The following COL4A4 variants were observed in gnomAD, a reference collection of about 807,000 sequenced individuals.
The protein encoded by COL4A4 is collagen alpha-4(IV) chain.
In COL4A4, 105 loss-of-function variants were observed where a neutral mutation model predicts 192.9. That is an observed-to-expected ratio of 0.54 (90% CI 0.46 to 0.64). The LOEUF (loss-of-function observed/expected upper bound fraction) is 0.64, where lower values mean the gene tolerates loss of function less well. Among genes scored for constraint, COL4A4 ranks in the 30% least tolerant of loss-of-function variants. COL4A4 has a pLI of 0.00. For missense variants in COL4A4, 1,967 were observed against 2,169.3 expected, an observed-to-expected ratio of 0.91 and a Z score of 1.85; for synonymous variants, 762 against 769.9, an observed-to-expected ratio of 0.99 and a Z score of 0.17.
the COL4A4 span, among the ~76,000 whole-genome samples, chr2:226,994,303 C>T: frequency 3.3e-5 from 5 of 152,200 alleles, no homozygotes; most frequent in African/African-American, 9.7e-5. Context: ...CATTTTAGAG[C>T]TTATGATCCT....
chr2:227,161,741 A>G (rs1335916363), intron 1 of COL4A4, among the ~76,000 whole-genome samples: 1 of 152,162 alleles, frequency 6.6e-6, no homozygotes, highest in Non-Finnish European at 1.5e-5. Context: ...CTACATTTCC[A>G]GCAAGCTCCC....
At chr2:227,091,547 C>T (rs1327092534) in intron 20 of COL4A4, among the ~76,000 whole-genome samples, 1 of 151,984 alleles carries the variant, frequency 6.6e-6, no homozygotes, top group Non-Finnish European at 1.5e-5. Context: ...CTCTTCTCAG[C>T]CTTTTGGCTA....
chr2:227,032,318 C>T (rs1422557084), intron 38 of COL4A4, 42 bp from the exon 39 acceptor site: 6 of 1,579,102 alleles, frequency 3.8e-6, no homozygotes, highest in Non-Finnish European at 5.2e-6. Flanking sequence ...CTTCTCTTTT[C>T]TTGTCCCTGT....
the COL4A4 span, among the ~76,000 whole-genome samples, chr2:226,994,318 G>A: frequency 2.0e-5 from 3 of 152,214 alleles, no homozygotes; most frequent in Non-Finnish European, 4.4e-5. Flanking sequence ...GATCCTGGTA[G>A]GAGAGAACAG....
intron 20 of COL4A4, among the ~76,000 whole-genome samples, chr2:227,092,966 A>G (rs1261148038): frequency 2.0e-5 from 3 of 152,210 alleles, no homozygotes; most frequent in Non-Finnish European, 4.4e-5. Context: ...ATATCCAGCC[A>G]CATGTGTTGA....
chr2:227,035,619 C>T (rs1969493524), intron 37 of COL4A4, among the ~76,000 whole-genome samples: 1 of 152,104 alleles, frequency 6.6e-6, no homozygotes, highest in Admixed American at 6.5e-5. Context: ...AGTTTATTCT[C>T]CAATCCTCTT....
the COL4A4 span, chr2:226,988,252 A>G: frequency 7.5e-7 from 1 of 1,335,342 alleles, no homozygotes. Context: ...AGTAGGACTC[A>G]TATCAGGGCC....
Position 227,030,470 on chromosome 2 carries a change from C to G in COL4A4, c.3946G>C (p.Gly1316Arg). The change falls in exon 41 of 48, where the codon GGA (glycine) becomes CGA (arginine). Residue 1316 changes from glycine (G) to arginine (R), a missense_variant. Coordinates refer to ENST00000396625, the MANE Select transcript of COL4A4 (RefSeq NM_000092.5). ...TTCTGGCCATCTTTTCCATCACATC[C>G]TGGAAAGCCTTTGTATCCTGGAGGG... ...PGPPGYKGFP[G>R]CDGKDGQKGP... is the part of the protein sequence containing the mutation. The G allele has an allele frequency of 6.2e-7, 1 of 1,614,166 alleles. No individual in the cohort carries two copies. Among genetic ancestry groups the G allele is most frequent in the Non-Finnish European group, 8.5e-7 (1 of 1,180,040 alleles).
chr2:226,992,879 AC>A, the COL4A4 span, among the ~76,000 whole-genome samples: 1 of 152,102 alleles, frequency 6.6e-6, no homozygotes, highest in African/African-American at 2.4e-5. Context: ...TGTCCCTAAC[AC>A]CTTCTGAGCC....
intron 25 of COL4A4, among the ~76,000 whole-genome samples, chr2:227,062,875 AG>A (rs889198625): frequency 2.0e-5 from 3 of 152,248 alleles, no homozygotes; most frequent in Non-Finnish European, 4.4e-5. Flanking sequence ...AATCTATAAA[AG>A]CAATGTAGAT....
chr2:227,002,441 C>A (rs1326909619), downstream of COL4A4, among the ~76,000 whole-genome samples: 1 of 152,202 alleles, frequency 6.6e-6, no homozygotes, highest in East Asian at 1.9e-4. Flanking sequence ...AGGGTGTAAG[C>A]CCCATGCCCA....
intron 20 of COL4A4, among the ~76,000 whole-genome samples, chr2:227,092,551 G>T (rs2059997708): frequency 6.6e-6 from 1 of 152,188 alleles, no homozygotes; most frequent in Non-Finnish European, 1.5e-5. Flanking sequence ...TAATAGAATA[G>T]TTAATGAGTT....
chr2:227,149,679 T>C (rs1051189637), intron 1 of COL4A4, among the ~76,000 whole-genome samples: 8 of 152,222 alleles, frequency 5.3e-5, no homozygotes, highest in African/African-American at 1.9e-4. Context: ...ACAAGAGGTA[T>C]TTACATTTTG....
downstream of COL4A4, among the ~76,000 whole-genome samples, chr2:227,001,900 C>T (rs1303522437): frequency 6.6e-6 from 1 of 152,180 alleles, no homozygotes; most frequent in Non-Finnish European, 1.5e-5. Flanking sequence ...AGGCTGGGTG[C>T]AGTGGCTCAT....
chr2:226,992,531 GTCT>G, the COL4A4 span, among the ~76,000 whole-genome samples: 2 of 152,144 alleles, frequency 1.3e-5, no homozygotes, highest in Non-Finnish European at 2.9e-5. Flanking sequence ...TATACCCAAG[GTCT>G]TCTTGGTTCT....
At chr2:227,089,744 C>T (rs902915724) in intron 21 of COL4A4, 124 bp downstream of exon 21, 2 of 776,490 alleles carry the variant, frequency 2.6e-6, no homozygotes, top group African/African-American at 1.7e-5. Context: ...TAATGGAGTA[C>T]TCTAGTGGGT....
intron 2 of COL4A4, among the ~76,000 whole-genome samples, chr2:227,145,076 A>G (rs1169667745): frequency 6.6e-6 from 1 of 152,198 alleles, no homozygotes; most frequent in South Asian, 2.1e-4. Context: ...CCAGGGCCTT[A>G]TAAGTGAGGC....
At chr2:227,113,483 T>C (rs2061331653) in intron 8 of COL4A4, among the ~76,000 whole-genome samples, 1 of 152,170 alleles carries the variant, frequency 6.6e-6, no homozygotes, top group Admixed American at 6.6e-5. Flanking sequence ...CAATATAAAT[T>C]ATTATAACAG....
intron 47 of COL4A4, 119 bp downstream of exon 47, chr2:227,007,899 G>T (rs374744577): frequency 3.1e-6 from 4 of 1,286,402 alleles, no homozygotes; most frequent in Non-Finnish European, 4.4e-6. Context: ...AACAGTCCCC[G>T]TAACCTTATG....
Sources: allele counts gnomAD v4.1 joint callset (sites outside exome capture counted in the v4.1 genomes callset), GRCh38; gene constraint gnomAD v4.1.1; transcripts MANE v1.5; gene names NCBI Gene and HGNC (gene_info 2026-07-23, HGNC 2026-07-21).